The following DENND2B variants were observed in gnomAD, a reference collection of about 807,000 sequenced individuals.
DENND2B encodes DENN domain-containing protein 2B.
A neutral mutation model predicts 116.0 loss-of-function variants in DENND2B; 32 were observed. The observed-to-expected ratio is 0.28, with a 90% CI of 0.21 to 0.37. The LOEUF (loss-of-function observed/expected upper bound fraction) is 0.37, where lower values mean the gene tolerates loss of function less well. DENND2B is among the 10% of genes least tolerant of loss of function. The pLI is 1.00. For missense variants in DENND2B, 1,276 were observed against 1,477.7 expected, an observed-to-expected ratio of 0.86 and a Z score of 2.24; for synonymous variants, 588 against 583.9, an observed-to-expected ratio of 1.01 and a Z score of -0.10.
chr11:8,861,703 CATT>C, intron 2 of DENND2B, among the ~76,000 whole-genome samples: 1 of 152,230 alleles, frequency 6.6e-6, no homozygotes, highest in African/African-American at 2.4e-5. Context: ...AAGGATGAGT[CATT>C]ATATCAAAAA....
chr11:8,826,885 T>C (rs2061998680), intron 4 of DENND2B, among the ~76,000 whole-genome samples: 1 of 152,114 alleles, frequency 6.6e-6, no homozygotes, highest in Admixed American at 6.6e-5. Context: ...GAACAACCTG[T>C]GTGATAGAGA....
At position 8,711,162 on chromosome 11, in the gene DENND2B, G is replaced by C. The variant is rs1364202329; in HGVS notation, c.2242C>G (p.Pro748Ala). ...RLKAIPQFCFPDAKDWLPVSE... is the reference protein window; with the variant it reads ...RLKAIPQFCFADAKDWLPVSE... The stretch of plus-strand genomic sequence containing the variant: ...ACAGGAAGCCAGTCCTTGGCATCAG[G>C]GAAGCAAAACTGGGGAATGGCTTTG... Residue 748 changes from proline (P) to alanine (A), a missense_variant, in exon 10 of 20, where the codon CCT becomes GCT. This residue lies in a region of DENND2B where 420 missense variants were observed against 631.1 expected (regional missense o/e 0.67). Coordinates refer to ENST00000313726, the MANE Select transcript of DENND2B (RefSeq NM_213618.2). 2 of 1,614,148 alleles carry C rather than the reference G, an allele frequency of 1.2e-6. No homozygotes were observed. Among genetic ancestry groups the C allele is most frequent in the Admixed American group, 1.7e-5 (1 of 60,028 alleles).
chr11:8,746,184 G>T (rs978180723), intron 2 of DENND2B, among the ~76,000 whole-genome samples: 1 of 151,534 alleles, frequency 6.6e-6, no homozygotes, highest in African/African-American at 2.4e-5. Context: ...CTACTCAGGA[G>T]ATTTTTCTTC....
At chr11:8,869,093 T>C (rs2134702345) in intron 2 of DENND2B, among the ~76,000 whole-genome samples, 1 of 152,328 alleles carries the variant, frequency 6.6e-6, no homozygotes, top group East Asian at 1.9e-4. Context: ...AGATTGGACA[T>C]TCCTGTTCTA....
At chr11:8,711,067 T>C (rs1392804696) in intron 10 of DENND2B, 55 bp downstream of exon 10, 1 of 1,584,156 alleles carries the variant, frequency 6.3e-7, no homozygotes, top group Non-Finnish European at 8.7e-7. Context: ...GTGCCCACGC[T>C]ATGGGGGTAA....
chr11:8,764,942 C>T (rs1432841023), intron 1 of DENND2B, among the ~76,000 whole-genome samples: 1 of 100,288 alleles, frequency 1.0e-5, no homozygotes, highest in Non-Finnish European at 1.9e-5. Context: ...GAGACTGTCT[C>T]AAAAAAAAAA....
At chr11:8,838,886 G>C (rs1042127531) in intron 4 of DENND2B, among the ~76,000 whole-genome samples, 5 of 152,148 alleles carry the variant, frequency 3.3e-5, no homozygotes, top group African/African-American at 1.2e-4. Flanking sequence ...AAAGGATATG[G>C]AGCTAAAATC....
At chr11:8,873,215 C>T (rs1340526394), upstream of DENND2B, among the ~76,000 whole-genome samples, 1 of 152,236 alleles carries the variant, frequency 6.6e-6, no homozygotes, top group Non-Finnish European at 1.5e-5. Flanking sequence ...GACAACTCAA[C>T]AGACAGCATC....
chr11:8,705,733 G>A (rs1387737465), intron 13 of DENND2B, among the ~76,000 whole-genome samples: 1 of 152,176 alleles, frequency 6.6e-6, no homozygotes, highest in Non-Finnish European at 1.5e-5. Flanking sequence ...CTGGGAGTCA[G>A]CCTTACAGTC....
Position 8,712,931 on chromosome 11 carries a change from AG to A in DENND2B, c.1988-197del, listed in dbSNP as rs1194888550. ...CTGCACAAAGACTCTGCCCTGACACAGGAAGCTGCGGGCCTGGTCCTCCTGG... is the reference window on the plus strand; with the variant it reads ...CTGCACAAAGACTCTGCCCTGACACAGAAGCTGCGGGCCTGGTCCTCCTGG... On this transcript the variant is annotated intron_variant, in intron 8 of 19. Transcript: ENST00000313726. The surrounding 1 kb of genome is among the most constrained non-coding windows in gnomAD (Gnocchi z 4.4). Among the ~76,000 whole-genome samples the A allele has an allele frequency of 6.6e-6, 1 of 152,202 alleles. No homozygotes were observed. Among genetic ancestry groups the A allele is most frequent in the Non-Finnish European group, 1.5e-5 (1 of 68,026 alleles).
intron 1 of DENND2B, chr11:8,766,785 TG>T (rs2055886740): frequency 2.5e-6 from 2 of 790,366 alleles, no homozygotes; most frequent in African/African-American, 3.5e-5. Context: ...TCATTTTAGG[TG>T]GGGGTGCTGG....
Position 8,696,545 on chromosome 11 carries a change from C to T in DENND2B, c.3174G>A (p.Glu1058=), listed in dbSNP as rs960985154. ...SEKGERAFQR[E]AFRKSVASKS... Reference sequence around the variant, plus strand: ...TGGAGGCCACAGATTTGCGGAAGGCCTCTCGCTGAAAGGCCCTCTCTCCCT... The same window carrying T: ...TGGAGGCCACAGATTTGCGGAAGGCTTCTCGCTGAAAGGCCCTCTCTCCCT... The change falls in exon 18 of 20, where the codon GAG becomes GAA. Residue 1058 remains glutamate (E), a synonymous_variant. Coordinates refer to ENST00000313726, the MANE Select transcript of DENND2B (RefSeq NM_213618.2). 1.9e-6 allele frequency: 3 copies of T among 1,614,180 alleles called. No individual in the cohort carries two copies. The highest frequency in any genetic ancestry group is 2.5e-6 in the Non-Finnish European group (3 of 1,180,030).
At chr11:8,897,179 C>G (rs1487910464) in intron 1 of DENND2B, among the ~76,000 whole-genome samples, 1 of 152,038 alleles carries the variant, frequency 6.6e-6, no homozygotes, top group East Asian at 1.9e-4. Context: ...ATCACTTGAA[C>G]CCGGGAGGCA....
intron 1 of DENND2B, among the ~76,000 whole-genome samples, chr11:8,796,728 A>C (rs1413048080): frequency 1.3e-5 from 2 of 152,194 alleles, no homozygotes; most frequent in Non-Finnish European, 1.5e-5. Context: ...TACTTTTTCC[A>C]AAAGTAAATT....
Position 8,707,242 on chromosome 11 carries a change from C to A in DENND2B, c.2431-17G>T, listed in dbSNP as rs1245263483. On this transcript the variant is annotated splice_polypyrimidine_tract_variant and intron_variant, in intron 12 of 19. Coordinates refer to ENST00000313726, the MANE Select transcript of DENND2B (RefSeq NM_213618.2). This position sits in a 1 kb window ranked among gnomAD's most constrained non-coding sequence, Gnocchi z 4.8. ...ATCTAGGACCTGTGCCCACCGCCAG[C>A]AGCCCAAAGAGGAAGGGTGTCAGGG... 6.2e-7 allele frequency: 1 copy of A among 1,604,342 alleles called. No individual in the cohort carries two copies. The highest frequency in any genetic ancestry group is 1.3e-5 in the African/African-American group (1 of 74,904).
chr11:8,770,872 G>A (rs572536588), intron 1 of DENND2B, among the ~76,000 whole-genome samples: 2 of 152,138 alleles, frequency 1.3e-5, no homozygotes, highest in Admixed American at 6.5e-5. Flanking sequence ...GCCACTCCAC[G>A]AACGACTCCA....
chr11:8,758,611 A>C (rs2054020001), intron 1 of DENND2B, among the ~76,000 whole-genome samples: 2 of 152,212 alleles, frequency 1.3e-5, no homozygotes, highest in African/African-American at 4.8e-5. Flanking sequence ...AGCTTAAGAA[A>C]GCAGGTGAAT....
In DENND2B at chr11:8,797,285, C is replaced by T. The variant is rs115838540; in HGVS notation, c.-26+13232G>A. On this transcript the variant is annotated intron_variant, in intron 1 of 19. Coordinates refer to ENST00000313726, the MANE Select transcript of DENND2B (RefSeq NM_213618.2). ...AGTAAACATTACACTAATGTCTTAC[C>T]GCTAACCTAAAATCTGCAGAAAATT... 3.4e-3 allele frequency among the ~76,000 whole-genome samples: 515 copies of T among 152,250 alleles called. 4 individuals are homozygous for T. The highest frequency in any genetic ancestry group is 0.011 in the African/African-American group (477 of 41,554).
chr11:8,771,716 C>T (rs2134186745), intron 1 of DENND2B: 1 of 152,182 alleles, frequency 6.6e-6, no homozygotes, highest in African/African-American at 2.4e-5. Context: ...TCTTACGGTT[C>T]CAGAGGCTTG....
Sources: gnomAD v4.1 joint callset for allele counts (sites outside exome capture counted in the v4.1 genomes callset) on GRCh38, gnomAD v4.1.1 for gene constraint, gnomAD v4.1.1 regional missense constraint, Gnocchi (gnomAD v3.1) non-coding constraint, MANE v1.5 for transcripts, NCBI Gene and HGNC (gene_info 2026-07-23, HGNC 2026-07-21) for gene names.